The following NR4A3 variants were observed in gnomAD, a reference collection of about 807,000 sequenced individuals.
NR4A3 encodes nuclear receptor subfamily 4 group A member 3.
A neutral mutation model predicts 55.6 loss-of-function variants in NR4A3; 13 were observed. The observed-to-expected ratio is 0.23, with a 90% CI of 0.15 to 0.37. NR4A3 has a LOEUF of 0.37. NR4A3 is among the 10% of genes least tolerant of loss of function. The probability of loss-of-function intolerance (pLI) is 1.00; values close to 1 mark genes in which losing one functional copy is unlikely to be tolerated. For synonymous variants in NR4A3, 342 were observed against 357.9 expected, an observed-to-expected ratio of 0.96 and a Z score of 0.50; for missense variants, 646 against 822.8, an observed-to-expected ratio of 0.79 and a Z score of 2.63.
At chr9:99,841,730 T>C (rs766982815) in intron 5 of NR4A3, among the ~76,000 whole-genome samples, 129 of 147,586 alleles carry the variant, frequency 8.7e-4, no homozygotes, top group Non-Finnish European at 1.3e-3. Flanking sequence ...GTGTAGGCAA[T>C]ATGGGAGTTC....
Position 99,828,477 on chromosome 9 carries a change from G to T in NR4A3, c.435G>T (p.Thr145=). The change falls in exon 3 of 8, where the codon ACG becomes ACT. Residue 145 remains threonine, a synonymous_variant. Transcript: ENST00000395097. The surrounding 1 kb of genome is among the most constrained non-coding windows in gnomAD (Gnocchi z 7.7). The stretch of plus-strand genomic sequence containing the variant: ...AGTCCCCACCGTCCACCCCCACCAC[G>T]CCGGCCTTCCCCCCGCAGGCGGGGG... The part of the protein sequence containing the change: ...FKQSPPSTPT[T]PAFPPQAGAL... The T allele has an allele frequency of 6.3e-7, 1 of 1,575,472 alleles. No individual in the cohort carries two copies.
At chr9:99,826,147 C>T (rs1395863538) in intron 2 of NR4A3, among the ~76,000 whole-genome samples, 1 of 152,144 alleles carries the variant, frequency 6.6e-6, no homozygotes, top group Non-Finnish European at 1.5e-5. Flanking sequence ...CTTTTATAGC[C>T]AGTGTGCACA....
intron 5 of NR4A3, among the ~76,000 whole-genome samples, chr9:99,842,716 CAA>C (rs1827676291): frequency 6.6e-6 from 1 of 151,106 alleles, no homozygotes; most frequent in Non-Finnish European, 1.5e-5. Context: ...GGCGACAGAG[CAA>C]GACACCATCT....
rs540882319 is a variant in NR4A3, at chr9:99,853,563, G to A, written c.1633+5948G>A. Among the ~76,000 whole-genome samples the A allele has an allele frequency of 2.7e-3, 179 of 65,532 alleles. 1 individual carries two copies. Among genetic ancestry groups the A allele is most frequent in the African/African-American group, 0.01 (166 of 16,576 alleles). 43.0% of individuals were successfully genotyped at this position (65,532 alleles called of 152,430 possible). On this transcript the variant is annotated intron_variant, in intron 7 of 7. Coordinates refer to ENST00000395097, the MANE Select transcript of NR4A3 (RefSeq NM_006981.4). ...CTCATTGTTCAATTCCCACCTATGAGTGAGAATATGCGGTGTTTGGTTTTT... is the reference window on the plus strand; with the variant it reads ...CTCATTGTTCAATTCCCACCTATGAATGAGAATATGCGGTGTTTGGTTTTT...
In NR4A3 at chr9:99,828,229, G is replaced by A. The variant is rs1387695200; in HGVS notation, c.187G>A (p.Glu63Lys). 1 of 1,613,990 alleles carries A rather than the reference G, an allele frequency of 6.2e-7. No individual in the cohort carries two copies. The highest frequency in any genetic ancestry group is 8.5e-7 in the Non-Finnish European group (1 of 1,179,970). The stretch of plus-strand genomic sequence containing the variant: ...CCTGCCCAGCATCAGTACCTTCGTG[G>A]AGGGCTACTCGAGCAACTACGAACT... ...TSLPSISTFV[E>K]GYSSNYELKP... Residue 63 changes from glutamate to lysine, a missense_variant, in exon 3 of 8, where the codon GAG (glutamate) becomes AAG (lysine). This residue lies in a region of NR4A3 where 426 missense variants were observed against 429.4 expected (regional missense o/e 0.99). Transcript: ENST00000395097. The surrounding 1 kb of genome is among the most constrained non-coding windows in gnomAD (Gnocchi z 7.7).
intron 4 of NR4A3, 130 bp from the exon 5 acceptor site, chr9:99,833,152 T>A (rs1443042296): frequency 3.3e-6 from 4 of 1,208,914 alleles, no homozygotes; most frequent in Non-Finnish European, 4.5e-6. Context: ...TCCAAACTTA[T>A]TACCACTTTT....
chr9:99,827,648 C>T (rs918818750), intron 2 of NR4A3, among the ~76,000 whole-genome samples: 1 of 152,230 alleles, frequency 6.6e-6, no homozygotes, highest in Admixed American at 6.5e-5. Context: ...CCCAAATAAA[C>T]CACTGGCTTT....
chr9:99,828,134 T>G lies in NR4A3; in HGVS notation c.92T>G (p.Met31Arg), dbSNP rs976520491. The G allele has an allele frequency of 3.7e-6, 6 of 1,613,870 alleles. No individual in the cohort carries two copies. Among genetic ancestry groups the G allele is most frequent in the Non-Finnish European group, 5.1e-6 (6 of 1,180,000 alleles). The change falls in exon 3 of 8, where the codon ATG (methionine) becomes AGG (arginine). Residue 31 changes from methionine (M) to arginine (R), a missense_variant. By Grantham distance (91) the Met-to-Arg change is moderately conservative. Coordinates refer to ENST00000395097, the MANE Select transcript of NR4A3 (RefSeq NM_006981.4). The surrounding 1 kb of genome is among the most constrained non-coding windows in gnomAD (Gnocchi z 7.7). ...TYSSEYTTEI[M>R]NPDYTKLTMD... ...AGCTCGGAATACACCACGGAGATCATGAACCCCGACTACACCAAGCTGACC... is the reference window on the plus strand; with the variant it reads ...AGCTCGGAATACACCACGGAGATCAGGAACCCCGACTACACCAAGCTGACC...
At chr9:99,823,180 T>G (rs1460495542) in intron 1 of NR4A3, among the ~76,000 whole-genome samples, 1 of 152,052 alleles carries the variant, frequency 6.6e-6, no homozygotes, top group Non-Finnish European at 1.5e-5. Flanking sequence ...GGGAAAGGCA[T>G]GCTTTTTCAC....
intron 5 of NR4A3, among the ~76,000 whole-genome samples, chr9:99,834,245 A>G (rs1389807531): frequency 6.6e-6 from 1 of 152,252 alleles, no homozygotes; most frequent in African/African-American, 2.4e-5. Flanking sequence ...GATAACACAG[A>G]GAAGAACCAT....
In NR4A3 at chr9:99,853,593, C is replaced by A. The variant is rs560627288; in HGVS notation, c.1633+5978C>A. 9.9e-5 allele frequency among the ~76,000 whole-genome samples: 4 copies of A among 40,384 alleles called. No individual in the cohort carries two copies. In the East Asian group the frequency reaches 2.3e-3, roughly 23 times the overall value. The allele number at this position is 40,384 out of a possible 152,430, so 26.5% of individuals were successfully genotyped here. The stretch of plus-strand genomic sequence containing the variant: ...AATATGCGGTGTTTGGTTTTTTGTT[C>A]TTGCGATAGTTTACTGAGAATGATG... On this transcript the variant is annotated intron_variant, in intron 7 of 7. Transcript: ENST00000395097.
chr9:99,826,488 T>C (rs767869854), intron 2 of NR4A3, among the ~76,000 whole-genome samples: 22 of 152,154 alleles, frequency 1.4e-4, no homozygotes, highest in Non-Finnish European at 2.2e-4. Flanking sequence ...TAAAAAGGGA[T>C]TGGCCGGAAA....
chr9:99,826,937 G>T (rs1021495677), intron 2 of NR4A3: 7 of 685,118 alleles, frequency 1.0e-5, no homozygotes, highest in African/African-American at 5.5e-5. Context: ...AAAAACCGCC[G>T]TTTTTTACCA....
At chr9:99,862,483 G>C (rs577934473) in intron 7 of NR4A3, among the ~76,000 whole-genome samples, 202 of 146,700 alleles carry the variant, frequency 1.4e-3, no homozygotes, top group African/African-American at 4.6e-3. Context: ...TGGAGGAAGT[G>C]GGGGAGCAGT....
At chr9:99,859,209 T>A (rs1021598722) in intron 7 of NR4A3, among the ~76,000 whole-genome samples, 2 of 152,252 alleles carry the variant, frequency 1.3e-5, no homozygotes, top group African/African-American at 2.4e-5. Context: ...CTGCTGTGTA[T>A]AATTCTCTAG....
intron 7 of NR4A3, among the ~76,000 whole-genome samples, chr9:99,850,799 C>T (rs569454247): frequency 2.0e-5 from 3 of 152,252 alleles, no homozygotes; most frequent in Admixed American, 6.5e-5. Flanking sequence ...GTGATGTAAC[C>T]AAACTGGATT....
At chr9:99,830,354 A>G (rs1827414952) in intron 3 of NR4A3, among the ~76,000 whole-genome samples, 1 of 152,250 alleles carries the variant, frequency 6.6e-6, no homozygotes, top group Non-Finnish European at 1.5e-5. Flanking sequence ...TGTGTATTCA[A>G]TGAGATAAAA....
intron 3 of NR4A3, among the ~76,000 whole-genome samples, chr9:99,832,105 A>G (rs1827455913): frequency 6.6e-6 from 1 of 152,180 alleles, no homozygotes; most frequent in Non-Finnish European, 1.5e-5. Flanking sequence ...TGGACTGTTT[A>G]TCATATATGG....
Position 99,825,754 on chromosome 9 carries a change from A to G in NR4A3, c.-81A>G. ...CACTGCCGGCGCTTCGCCTCGCCGG[A>G]CGTCCGCTCCTCCTACACTCTCAGC... On this transcript the variant is annotated 5_prime_UTR_variant, in exon 2 of 8. Transcript: ENST00000395097. The surrounding 1 kb of genome is among the most constrained non-coding windows in gnomAD (Gnocchi z 5.0). 6.0e-6 allele frequency: 1 copy of G among 165,378 alleles called. No homozygotes were observed. Among genetic ancestry groups the G allele is most frequent in the Non-Finnish European group, 1.3e-5 (1 of 75,330 alleles). The allele number at this position is 165,378 out of a possible 1,614,324, so 10.2% of individuals were successfully genotyped here.
Sources: gnomAD v4.1 joint callset for allele counts (sites outside exome capture counted in the v4.1 genomes callset) on GRCh38, gnomAD v4.1.1 for gene constraint, gnomAD v4.1.1 regional missense constraint, Gnocchi (gnomAD v3.1) non-coding constraint, MANE v1.5 for transcripts, NCBI Gene and HGNC (gene_info 2026-07-23, HGNC 2026-07-21) for gene names.